OPRD1: variants seen among roughly 807,000 people sequenced by gnomAD.
OPRD1 encodes the protein delta-type opioid receptor.
A neutral mutation model predicts 17.5 loss-of-function variants in OPRD1; 19 were observed. That is an observed-to-expected ratio of 1.09 (90% CI 0.76 to 1.60). The LOEUF (loss-of-function observed/expected upper bound fraction) is 1.60. Ranked by LOEUF, OPRD1 falls within the 40% of genes most tolerant of loss-of-function variation. OPRD1 has a pLI of 0.00. For missense variants in OPRD1, 483 were observed against 547.2 expected, an observed-to-expected ratio of 0.88 and a Z score of 1.17; for synonymous variants, 256 against 240.9, an observed-to-expected ratio of 1.06 and a Z score of -0.58.
chr1:28,856,841 T>G (rs1291421998), intron 1 of OPRD1, among the ~76,000 whole-genome samples: 1 of 152,148 alleles, frequency 6.6e-6, no homozygotes, highest in Admixed American at 6.5e-5. Flanking sequence ...GGCTCATGCC[T>G]TGGGTTGGAT....
chr1:28,839,108 A>T (rs1053822678), intron 1 of OPRD1, among the ~76,000 whole-genome samples: 5 of 152,168 alleles, frequency 3.3e-5, no homozygotes, highest in Admixed American at 2.0e-4. Flanking sequence ...TGCAGACTTG[A>T]TGGCTTAAAA....
At chr1:28,825,768 G>A (rs903372926) in intron 1 of OPRD1, among the ~76,000 whole-genome samples, 1 of 152,224 alleles carries the variant, frequency 6.6e-6, no homozygotes, top group Admixed American at 6.5e-5. Context: ...AGGTTCCCTG[G>A]GACAAGGCCA....
chr1:28,842,171 AGGCATGC>A (rs1322190149), intron 1 of OPRD1, among the ~76,000 whole-genome samples: 3 of 152,122 alleles, frequency 2.0e-5, no homozygotes, highest in African/African-American at 7.2e-5. Context: ...CTGGGACTAT[AGGCATGC>A]GCCACCACGC....
chr1:28,830,798 C>T (rs1354995335), intron 1 of OPRD1, among the ~76,000 whole-genome samples: 1 of 152,186 alleles, frequency 6.6e-6, no homozygotes, highest in Non-Finnish European at 1.5e-5. Flanking sequence ...GAGCAGAGGA[C>T]TGTTGCTTGG....
Position 28,866,871 on chromosome 1 carries a change from G to C in OPRD1, c.*3588G>C, listed in dbSNP as rs973568646. On this transcript the variant is annotated 3_prime_UTR_variant, in exon 3 of 3. Coordinates refer to ENST00000234961, the MANE Select transcript of OPRD1 (RefSeq NM_000911.4). Reference sequence around the variant, plus strand: ...GACAGTGTAATTCTAGATCGTCACAGGGTTCTCAAAACTGCAGAGTAGGTC... The same window carrying C: ...GACAGTGTAATTCTAGATCGTCACACGGTTCTCAAAACTGCAGAGTAGGTC... 1 of 148,392 alleles carries C rather than the reference G, an allele frequency of 6.7e-6. No individual in the cohort carries two copies. The highest frequency in any genetic ancestry group is 2.6e-5 in the African/African-American group (1 of 38,962). 9.2% of individuals were successfully genotyped at this position (148,392 alleles called of 1,614,324 possible).
chr1:28,840,778 C>T (rs183167508), intron 1 of OPRD1, among the ~76,000 whole-genome samples: 68 of 152,010 alleles, frequency 4.5e-4, no homozygotes, highest in African/African-American at 1.5e-3. Flanking sequence ...GAAAATTAGC[C>T]GGGCATAGTG....
chr1:28,819,446 A>AGT (rs1478847534), intron 1 of OPRD1, among the ~76,000 whole-genome samples: 1 of 151,900 alleles, frequency 6.6e-6, no homozygotes, highest in African/African-American at 2.4e-5. Context: ...TTCCCTGGGG[A>AGT]GTGTGTGTGA....
At position 28,855,261 on chromosome 1, in the gene OPRD1, C is replaced by T. The variant is rs149953908; in HGVS notation, c.228-3693C>T. Among the ~76,000 whole-genome samples, 6 of 151,992 alleles carry T rather than the reference C, an allele frequency of 3.9e-5. No individual in the cohort carries two copies. The East Asian group carries it at 9.7e-4, about 25-fold the overall frequency. ...CAAGCCATGCAAAATATGGGGGGAC[C>T]GGGGTTCCAGGCAGAGGCAAGAGCA... On this transcript the variant is annotated intron_variant, in intron 1 of 2. Coordinates refer to ENST00000234961, the MANE Select transcript of OPRD1 (RefSeq NM_000911.4).
Position 28,863,406 on chromosome 1 carries a change from G to C in OPRD1, c.*123G>C. On this transcript the variant is annotated 3_prime_UTR_variant, in exon 3 of 3. Transcript: ENST00000234961. ...GAAGGTCGGAGGCTTGGGACCGCCA[G>C]ATGGGGCCTCTGTTTCGGAGACGGG... 8.8e-7 allele frequency: 1 copy of C among 1,133,452 alleles called. No homozygotes were observed. Among genetic ancestry groups the C allele is most frequent in the Non-Finnish European group, 1.2e-6 (1 of 852,758 alleles). The allele number at this position is 1,133,452 out of a possible 1,614,324, so 70.2% of individuals were successfully genotyped here.
chr1:28,845,138 T>C (rs1466451084), intron 1 of OPRD1, among the ~76,000 whole-genome samples: 1 of 150,256 alleles, frequency 6.7e-6, no homozygotes, highest in Non-Finnish European at 1.5e-5. Flanking sequence ...AGGTCAGGAG[T>C]TCGAGACCAG....
intron 1 of OPRD1, among the ~76,000 whole-genome samples, chr1:28,844,665 C>A (rs1430364018): frequency 6.6e-6 from 1 of 152,096 alleles, no homozygotes; most frequent in Non-Finnish European, 1.5e-5. Flanking sequence ...GGATATTAAC[C>A]CCTTATCAGA....
chr1:28,830,303 G>A (rs1221623403), intron 1 of OPRD1, among the ~76,000 whole-genome samples: 6 of 151,788 alleles, frequency 4.0e-5, no homozygotes, highest in Non-Finnish European at 7.4e-5. Flanking sequence ...TGAGAGAATC[G>A]CTTGAGCCCA....
At chr1:28,831,541 A>G (rs2088809201) in intron 1 of OPRD1, among the ~76,000 whole-genome samples, 1 of 151,356 alleles carries the variant, frequency 6.6e-6, no homozygotes, top group Admixed American at 6.6e-5. Flanking sequence ...ACAGCAAAGC[A>G]TAGCATACTG....
At chr1:28,860,362 T>TTAA (rs1553151571) in intron 2 of OPRD1, among the ~76,000 whole-genome samples, 5 of 49,458 alleles carry the variant, frequency 1.0e-4, no homozygotes, top group Admixed American at 3.5e-4. Flanking sequence ...GGGACTTGTC[T>TTAA]AAAAAAAAAA....
intron 1 of OPRD1, among the ~76,000 whole-genome samples, chr1:28,852,049 C>T (rs2089008554): frequency 6.6e-6 from 1 of 150,682 alleles, no homozygotes; most frequent in African/African-American, 2.4e-5. Context: ...TGCCTGTAGT[C>T]CCAGCTACTT....
At chr1:28,845,992 T>C (rs1359841399) in intron 1 of OPRD1, among the ~76,000 whole-genome samples, 1 of 152,238 alleles carries the variant, frequency 6.6e-6, no homozygotes, top group African/African-American at 2.4e-5. Context: ...AATGGCTTCC[T>C]GTTACACTCA....
At position 28,851,811 on chromosome 1, in the gene OPRD1, C is replaced by T. The variant is rs185272456; in HGVS notation, c.228-7143C>T. On this transcript the variant is annotated intron_variant, in intron 1 of 2. Coordinates refer to ENST00000234961, the MANE Select transcript of OPRD1 (RefSeq NM_000911.4). ...GCTTGAACCGGGGAGGCGGAGGTTG[C>T]GCCATTGCACTCCAGCCTGGGCAAT... Among the ~76,000 whole-genome samples the T allele has an allele frequency of 8.0e-4, 108 of 134,700 alleles. 1 individual carries two copies. The highest frequency in any genetic ancestry group is 2.5e-3 in the African/African-American group (88 of 35,346). 88.4% of individuals were successfully genotyped at this position (134,700 alleles called of 152,430 possible).
At chr1:28,827,260 C>T (rs549668029) in intron 1 of OPRD1, among the ~76,000 whole-genome samples, 6 of 152,334 alleles carry the variant, frequency 3.9e-5, no homozygotes, top group Admixed American at 2.0e-4. Flanking sequence ...TGCACCACTG[C>T]ACTCCAGCCT....
At chr1:28,858,104 T>TC (rs2089074416) in intron 1 of OPRD1, among the ~76,000 whole-genome samples, 1 of 138,704 alleles carries the variant, frequency 7.2e-6, no homozygotes, top group Non-Finnish European at 1.5e-5. Context: ...CTAGGATTTT[T>TC]CTTTTTTTTT....
Sources: gnomAD v4.1 joint callset for allele counts (sites outside exome capture counted in the v4.1 genomes callset) on GRCh38, gnomAD v4.1.1 for gene constraint, MANE v1.5 for transcripts, NCBI Gene and HGNC (gene_info 2026-07-23, HGNC 2026-07-21) for gene names.